Variants in NCAM2 observed in about 807,000 individuals in gnomAD.
NCAM2 encodes the protein neural cell adhesion molecule 2.
In NCAM2, 30 loss-of-function variants were observed where a neutral mutation model predicts 98.1. That is an observed-to-expected ratio of 0.31 (90% CI 0.23 to 0.41). The LOEUF (loss-of-function observed/expected upper bound fraction) is 0.41, where lower values mean the gene tolerates loss of function less well. Ranked by LOEUF, NCAM2 falls within the 10% of genes least tolerant of loss-of-function variation. The pLI, the probability that NCAM2 is intolerant of heterozygous loss-of-function variation, is 1.00. For missense variants in NCAM2, 867 were observed against 1,005.8 expected, an observed-to-expected ratio of 0.86 and a Z score of 1.87; for synonymous variants, 368 against 342.4, an observed-to-expected ratio of 1.07 and a Z score of -0.83.
chr21:20,999,016 A>C (rs1461071164), intron 1 of NCAM2, among the ~76,000 whole-genome samples: 1 of 152,114 alleles, frequency 6.6e-6, no homozygotes, highest in African/African-American at 2.4e-5. Flanking sequence ...AGCAGCAAAA[A>C]CTATCAGTGT....
chr21:21,057,753 G>A (rs539191859), intron 1 of NCAM2, among the ~76,000 whole-genome samples: 9 of 152,150 alleles, frequency 5.9e-5, no homozygotes, highest in East Asian at 1.9e-4. Flanking sequence ...ATGAAATTAC[G>A]CTATTGACTA....
chr21:21,331,418 G>A (rs767023379), intron 6 of NCAM2, among the ~76,000 whole-genome samples: 7 of 137,648 alleles, frequency 5.1e-5, no homozygotes, highest in South Asian at 2.4e-4. Context: ...GGATACAGGA[G>A]TGAGCCACTG....
intron 1 of NCAM2, among the ~76,000 whole-genome samples, chr21:21,201,407 A>C (rs1010877085): frequency 6.6e-6 from 1 of 152,216 alleles, no homozygotes; most frequent in African/African-American, 2.4e-5. Flanking sequence ...CCAGAATCAC[A>C]AAACAGCAAG....
chr21:21,440,183 A>G (rs1979025356), intron 12 of NCAM2, among the ~76,000 whole-genome samples: 1 of 152,224 alleles, frequency 6.6e-6, no homozygotes, highest in Non-Finnish European at 1.5e-5. Flanking sequence ...TTTACTTAAA[A>G]ATAATTTGAT....
chr21:21,079,457 G>T (rs1004078101), intron 1 of NCAM2, among the ~76,000 whole-genome samples: 3 of 152,134 alleles, frequency 2.0e-5, no homozygotes, highest in Admixed American at 6.5e-5. Context: ...CATGAAAATT[G>T]TGCTAAAAGG....
chr21:21,109,593 G>GAA (rs2066415140), intron 1 of NCAM2, among the ~76,000 whole-genome samples: 1 of 152,026 alleles, frequency 6.6e-6, no homozygotes, highest in Non-Finnish European at 1.5e-5. Context: ...CAGTGGAAAT[G>GAA]CCATTTCCAC....
chr21:21,531,418 A>G (rs1989686858), intron 16 of NCAM2, among the ~76,000 whole-genome samples: 1 of 152,206 alleles, frequency 6.6e-6, no homozygotes, highest in Admixed American at 6.5e-5. Flanking sequence ...ATCAGCTATT[A>G]CAAGTAACCT....
At chr21:21,384,458 A>G (rs570654967) in intron 9 of NCAM2, among the ~76,000 whole-genome samples, 111 of 151,918 alleles carry the variant, frequency 7.3e-4, no homozygotes, top group African/African-American at 2.6e-3. Flanking sequence ...CTTTACATAC[A>G]TTCCTGAAAA....
intron 15 of NCAM2, among the ~76,000 whole-genome samples, chr21:21,502,098 G>A (rs1443065494): frequency 6.6e-6 from 1 of 151,812 alleles, no homozygotes; most frequent in African/African-American, 2.4e-5. Flanking sequence ...TAAATTTAAT[G>A]TTTTCAACAT....
intron 9 of NCAM2, among the ~76,000 whole-genome samples, chr21:21,397,441 A>G (rs2076534658): frequency 6.6e-6 from 1 of 151,990 alleles, no homozygotes; most frequent in Non-Finnish European, 1.5e-5. Context: ...CCTCCCTCCT[A>G]TGCTCCTAGG....
chr21:21,095,463 TA>T (rs2066101758), intron 1 of NCAM2, among the ~76,000 whole-genome samples: 1 of 148,712 alleles, frequency 6.7e-6, no homozygotes, highest in South Asian at 2.1e-4. Context: ...TCTTTCTATC[TA>T]AAGACACAGA....
chr21:21,079,949 C>T (rs995560066), intron 1 of NCAM2, among the ~76,000 whole-genome samples: 2 of 152,124 alleles, frequency 1.3e-5, no homozygotes, highest in African/African-American at 4.8e-5. Flanking sequence ...GCTGCTCCTG[C>T]CTGGAACAAT....
chr21:21,117,162 A>C (rs1328939805), intron 1 of NCAM2, among the ~76,000 whole-genome samples: 1 of 152,166 alleles, frequency 6.6e-6, no homozygotes, highest in Non-Finnish European at 1.5e-5. Flanking sequence ...GGATCCCCAC[A>C]ACTTATTAAT....
chr21:21,297,734 C>CAAAA, intron 5 of NCAM2, among the ~76,000 whole-genome samples: 1 of 149,852 alleles, frequency 6.7e-6, no homozygotes, highest in Non-Finnish European at 1.5e-5. Context: ...CTGTACTACT[C>CAAAA]AAAAAAAAAG....
intron 9 of NCAM2, among the ~76,000 whole-genome samples, chr21:21,379,016 A>G (rs1291290751): frequency 6.6e-6 from 1 of 152,064 alleles, no homozygotes; most frequent in Non-Finnish European, 1.5e-5. Flanking sequence ...ATTTATGTCT[A>G]AGCTTTCTTT....
At chr21:21,431,252 A>C (rs2077337552) in intron 11 of NCAM2, among the ~76,000 whole-genome samples, 1 of 151,548 alleles carries the variant, frequency 6.6e-6, no homozygotes, top group Non-Finnish European at 1.5e-5. Context: ...TTCATAGAGA[A>C]ATTAATGTTA....
At chr21:21,465,229 A>T (rs1983526578) in intron 12 of NCAM2, among the ~76,000 whole-genome samples, 1 of 151,988 alleles carries the variant, frequency 6.6e-6, no homozygotes, top group Non-Finnish European at 1.5e-5. Flanking sequence ...GACACAGTAC[A>T]TTCAACAATG....
intron 1 of NCAM2, among the ~76,000 whole-genome samples, chr21:21,162,358 T>C (rs2067810468): frequency 6.6e-6 from 1 of 151,970 alleles, no homozygotes; most frequent in Admixed American, 6.6e-5. Context: ...AATACAAAAA[T>C]AAAATGGGTC....
At chr21:21,306,792 ATTCT>A (rs1456281379) in intron 5 of NCAM2, among the ~76,000 whole-genome samples, 2 of 151,906 alleles carry the variant, frequency 1.3e-5, no homozygotes, top group African/African-American at 4.8e-5. Context: ...AGTCTTATTG[ATTCT>A]TTCTATTTTT....
Sources: allele counts gnomAD v4.1 joint callset (sites outside exome capture counted in the v4.1 genomes callset), GRCh38; gene constraint gnomAD v4.1.1; transcripts MANE v1.5; gene names NCBI Gene and HGNC (gene_info 2026-07-23, HGNC 2026-07-21).